The following SIK3 variants were observed in gnomAD, a reference collection of about 807,000 sequenced individuals.
SIK3 encodes the protein SIK family kinase 3.
In SIK3, 28 loss-of-function variants were observed where a neutral mutation model predicts 144.2. That is an observed-to-expected ratio of 0.19 (90% confidence interval 0.14 to 0.27). SIK3 has a LOEUF of 0.27. Ranked by LOEUF, SIK3 falls within the 10% of genes least tolerant of loss-of-function variation. The pLI, the probability that SIK3 is intolerant of heterozygous loss-of-function variation, is 1.00. For synonymous variants in SIK3, 686 were observed against 676.3 expected (o/e 1.01, Z -0.22); for missense variants, 1,319 against 1,776.0 (o/e 0.74, Z 4.62).
intron 6 of SIK3, among the ~76,000 whole-genome samples, chr11:116,885,311 G>A (rs533674444): frequency 4.6e-5 from 7 of 152,234 alleles, no homozygotes; most frequent in South Asian, 2.1e-4. Flanking sequence ...ACCCGAGACA[G>A]ACCACAAAGA....
chr11:116,894,248 CCTCTT>C (rs367941561), intron 6 of SIK3, among the ~76,000 whole-genome samples: 1 of 152,052 alleles, frequency 6.6e-6, no homozygotes. Flanking sequence ...AATTCATGGA[CCTCTT>C]CTCTTCTCTG....
chr11:117,075,375 G>A (rs1302748892), intron 1 of SIK3, among the ~76,000 whole-genome samples: 1 of 152,008 alleles, frequency 6.6e-6, no homozygotes, highest in African/African-American at 2.4e-5. Context: ...CTCATTTCCT[G>A]GGCCAGCCTC....
rs1449447412 is a variant in SIK3 at position 116,843,798 on chromosome 11, G to T, written c.*1845C>A. The T allele has an allele frequency of 6.6e-6, 1 of 152,220 alleles. No individual in the cohort carries two copies. Among genetic ancestry groups the T allele is most frequent in the African/African-American group, 2.4e-5 (1 of 41,442 alleles). The allele number at this position is 152,220 out of a possible 1,614,324, so 9.4% of individuals were successfully genotyped here. A position where few individuals can be genotyped will look rare whatever the true frequency, so the allele number is the denominator to read the frequency against. ...TTGGTAAGCCCCCTTCTGGTGAGTA[G>T]TTGGTGACCCCACCAAGTGGAGGGG... On this transcript the variant is annotated 3_prime_UTR_variant, in exon 25 of 25. Coordinates refer to ENST00000445177, the MANE Select transcript of SIK3 (RefSeq NM_001366686.3).
At chr11:117,038,145 G>C (rs1565583024) in intron 1 of SIK3, among the ~76,000 whole-genome samples, 1 of 152,004 alleles carries the variant, frequency 6.6e-6, no homozygotes, top group Non-Finnish European at 1.5e-5. Context: ...CCTGTATAGA[G>C]ACTCTCCTTA....
At chr11:116,991,142 A>C (rs1301483199) in intron 1 of SIK3, among the ~76,000 whole-genome samples, 1 of 152,194 alleles carries the variant, frequency 6.6e-6, no homozygotes, top group African/African-American at 2.4e-5. Flanking sequence ...CACTCTTTTA[A>C]CCAATATAAA....
At chr11:116,931,212 G>T (rs928208940) in intron 3 of SIK3, among the ~76,000 whole-genome samples, 4 of 152,130 alleles carry the variant, frequency 2.6e-5, no homozygotes, top group African/African-American at 9.7e-5. Context: ...ACAGGAAATC[G>T]ATTTTGAATT....
intron 1 of SIK3, among the ~76,000 whole-genome samples, chr11:117,049,633 A>G (rs1021061958): frequency 6.6e-6 from 1 of 152,080 alleles, no homozygotes; most frequent in African/African-American, 2.4e-5. Flanking sequence ...AACCTTTTTT[A>G]CCCCTGAAAA....
intron 15 of SIK3, among the ~76,000 whole-genome samples, chr11:116,865,290 C>T (rs1035199037): frequency 5.3e-5 from 8 of 152,118 alleles, no homozygotes; most frequent in African/African-American, 1.7e-4. Context: ...TCTTTCTGCA[C>T]AAAAATAATT....
At chr11:117,088,599 C>T (rs776138792) in intron 1 of SIK3, among the ~76,000 whole-genome samples, 1 of 152,140 alleles carries the variant, frequency 6.6e-6, no homozygotes, top group Admixed American at 6.6e-5. Context: ...ATTAAAATTC[C>T]GGCCCCCACA....
rs34416738 is a variant in SIK3, at chr11:116,927,019, G to GAA, written c.616+198_616+199dup. ...CTGGGCGACAATGAGACTCAGTCTCGAAAAAAAAAAAAAAAGGGCAGGGGA... is the reference window on the plus strand; with the variant it reads ...CTGGGCGACAATGAGACTCAGTCTCGAAAAAAAAAAAAAAAAAGGGCAGGGGA... On this transcript the variant is annotated intron_variant, in intron 4 of 24. Transcript: ENST00000445177. 1.9e-3 allele frequency among the ~76,000 whole-genome samples: 212 copies of GAA among 110,724 alleles called. 1 individual carries two copies. The highest frequency in any genetic ancestry group is 4.2e-3 in the Admixed American group (44 of 10,394). 72.6% of individuals were successfully genotyped at this position (110,724 alleles called of 152,430 possible).
At position 116,846,646 on chromosome 11, in the gene SIK3, C is replaced by G; in HGVS notation, c.3953-93G>C. 7.0e-7 allele frequency: 1 copy of G among 1,437,780 alleles called. No homozygotes were observed. The highest frequency in any genetic ancestry group is 1.4e-5 in the African/African-American group (1 of 71,598). The allele number at this position is 1,437,780 out of a possible 1,614,324, so 89.1% of individuals were successfully genotyped here. On this transcript the variant is annotated intron_variant, in intron 23 of 24. Coordinates refer to ENST00000445177, the MANE Select transcript of SIK3 (RefSeq NM_001366686.3). The surrounding 1 kb of genome is among the most constrained non-coding windows in gnomAD (Gnocchi z 4.1). ...AGAGGAGGAATTGAAGGCAACCTGT[C>G]GAGCATCCCACAGCCTGACTCCCAG...
At chr11:117,012,846 C>A in intron 1 of SIK3, among the ~76,000 whole-genome samples, 1 of 115,574 alleles carries the variant, frequency 8.7e-6, no homozygotes. Context: ...TTTGCCATTA[C>A]TGCTTTTTTT....
In SIK3 at chr11:116,852,698, AAAAC is replaced by A. The variant is rs372064809; in HGVS notation, c.3656-3419_3656-3416del. On this transcript the variant is annotated intron_variant, in intron 21 of 24. Transcript: ENST00000445177. ...TAAGGACGTGCTGAGTCAGCTGACA[AAAAC>A]AAACAAGGAAATTGATTTAATCACA... Among the ~76,000 whole-genome samples, 1,058 of 152,360 alleles carry A rather than the reference AAAAC, an allele frequency of 6.9e-3. 9 individuals are homozygous for A. The highest frequency in any genetic ancestry group is 0.012 in the Non-Finnish European group (785 of 68,028).
At position 116,843,668 on chromosome 11, in the gene SIK3, G is replaced by A. The variant is rs1591336741; in HGVS notation, c.*1975C>T. 6.6e-6 allele frequency: 1 copy of A among 152,212 alleles called. No homozygotes were observed. Among genetic ancestry groups the A allele is most frequent in the East Asian group, 1.9e-4 (1 of 5,202 alleles). 9.4% of individuals were successfully genotyped at this position (152,212 alleles called of 1,614,324 possible). ...TGCAGTCTGCTCTCCCATACATACA[G>A]TACCATGTAAACACATCAGGCTGAG... On this transcript the variant is annotated 3_prime_UTR_variant, in exon 25 of 25. Transcript: ENST00000445177.
intron 1 of SIK3, among the ~76,000 whole-genome samples, chr11:116,968,475 G>A (rs935026415): frequency 5.3e-5 from 8 of 152,012 alleles, no homozygotes; most frequent in Non-Finnish European, 8.8e-5. Flanking sequence ...GGTGGTAAGC[G>A]GACAACTGAT....
chr11:116,908,395 C>T (rs1046692632), intron 4 of SIK3, among the ~76,000 whole-genome samples: 6 of 152,086 alleles, frequency 3.9e-5, no homozygotes, highest in African/African-American at 1.2e-4. Context: ...AAGAGGATTG[C>T]CTGAGCCTAG....
chr11:116,897,387 T>G, intron 4 of SIK3, 70 bp from the exon 5 acceptor site: 6 of 1,365,640 alleles, frequency 4.4e-6, no homozygotes, highest in Non-Finnish European at 6.1e-6. Context: ...CACTAGTCTC[T>G]AGTCACTAAA....
At chr11:117,004,588 T>C (rs1278018342) in intron 1 of SIK3, among the ~76,000 whole-genome samples, 1 of 152,206 alleles carries the variant, frequency 6.6e-6, no homozygotes, top group African/African-American at 2.4e-5. Context: ...GGTAAGTGCA[T>C]TTTGCTAATC....
chr11:116,940,163 T>C (rs1948206943), intron 3 of SIK3, among the ~76,000 whole-genome samples: 1 of 152,074 alleles, frequency 6.6e-6, no homozygotes, highest in African/African-American at 2.4e-5. Flanking sequence ...AAACACAGGG[T>C]TATGATTTTC....
Sources: gnomAD v4.1 joint callset for allele counts (sites outside exome capture counted in the v4.1 genomes callset) on GRCh38, gnomAD v4.1.1 for gene constraint, Gnocchi (gnomAD v3.1) non-coding constraint, MANE v1.5 for transcripts, NCBI Gene and HGNC (gene_info 2026-07-23, HGNC 2026-07-21) for gene names.